Variants in LPP observed in about 807,000 individuals in gnomAD.
LPP encodes LIM domain containing preferred translocation partner in lipoma.
Under a neutral mutation model 60.4 loss-of-function variants are expected in LPP, and 38 were observed. The ratio of observed to expected loss-of-function variants is 0.63; its 90% CI spans 0.49 to 0.83. LPP has a LOEUF of 0.83. Ranked by LOEUF, LPP falls within the 40% of genes least tolerant of loss-of-function variation. The pLI is 0.00. For synonymous variants in LPP, 328 were observed against 290.8 expected (o/e 1.13, Z -1.30); for missense variants, 902 against 783.6 (o/e 1.15, Z -1.80).
chr3:188,213,736 C>T (rs901827931), intron 1 of LPP, among the ~76,000 whole-genome samples: 1 of 151,982 alleles, frequency 6.6e-6, no homozygotes, highest in Non-Finnish European at 1.5e-5. Context: ...CTCCTTTGCT[C>T]CCTATATCTT....
chr3:188,611,083 T>C (rs1843622120), intron 7 of LPP, among the ~76,000 whole-genome samples: 1 of 152,230 alleles, frequency 6.6e-6, no homozygotes, highest in South Asian at 2.1e-4. Context: ...TTTTCTTATA[T>C]GAAAGCGTCT....
chr3:188,534,296 G>A (rs942791562), intron 6 of LPP, among the ~76,000 whole-genome samples: 1 of 152,196 alleles, frequency 6.6e-6, no homozygotes, highest in Non-Finnish European at 1.5e-5. Context: ...GCTCCAAGAT[G>A]ATTATGTTAC....
chr3:188,858,483 T>C (rs1393197197), intron 9 of LPP, among the ~76,000 whole-genome samples: 1 of 152,244 alleles, frequency 6.6e-6, no homozygotes, highest in Non-Finnish European at 1.5e-5. Context: ...TGTTCTATAA[T>C]TGAGATTTTC....
At chr3:188,635,759 T>C (rs543917543) in intron 7 of LPP, among the ~76,000 whole-genome samples, 1 of 152,292 alleles carries the variant, frequency 6.6e-6, no homozygotes, top group East Asian at 1.9e-4. Flanking sequence ...TTCCTTAACT[T>C]AGCACTTCCC....
At chr3:188,502,578 G>C (rs563782207) in intron 5 of LPP, among the ~76,000 whole-genome samples, 28 of 152,242 alleles carry the variant, frequency 1.8e-4, no homozygotes, top group African/African-American at 6.0e-4. Flanking sequence ...CTTTTGACCA[G>C]AGAATTTAAT....
chr3:188,427,465 A>C (rs764562752), intron 4 of LPP, among the ~76,000 whole-genome samples: 1 of 151,594 alleles, frequency 6.6e-6, no homozygotes, highest in Non-Finnish European at 1.5e-5. Flanking sequence ...CTTCATTTCA[A>C]CCTTGGTGAA....
chr3:188,706,129 G>C (rs1865431576), intron 7 of LPP, among the ~76,000 whole-genome samples: 1 of 152,132 alleles, frequency 6.6e-6, no homozygotes, highest in African/African-American at 2.4e-5. Flanking sequence ...TCATATGACA[G>C]GTAATGTTTA....
chr3:188,674,195 A>AG (rs756915310), intron 7 of LPP, among the ~76,000 whole-genome samples: 2 of 152,160 alleles, frequency 1.3e-5, no homozygotes, highest in Non-Finnish European at 2.9e-5. Context: ...CTGGGATACT[A>AG]GGGTTGCAAC....
At chr3:188,629,284 T>C (rs1457833931) in intron 7 of LPP, among the ~76,000 whole-genome samples, 1 of 152,060 alleles carries the variant, frequency 6.6e-6, no homozygotes, top group Non-Finnish European at 1.5e-5. Flanking sequence ...TCAAACTATT[T>C]CTGTTTGCAG....
chr3:188,293,216 G>A (rs991051649), intron 2 of LPP, among the ~76,000 whole-genome samples: 7 of 152,192 alleles, frequency 4.6e-5, no homozygotes, highest in African/African-American at 1.7e-4. Context: ...TTACTAAGTG[G>A]TTGGGTTTAA....
At chr3:188,329,662 G>T (rs1398249862) in intron 2 of LPP, among the ~76,000 whole-genome samples, 2 of 151,968 alleles carry the variant, frequency 1.3e-5, no homozygotes, top group Admixed American at 1.3e-4. Flanking sequence ...TAAACCTTTT[G>T]CATATTTTCC....
chr3:188,698,353 T>G (rs1043434758), intron 7 of LPP, among the ~76,000 whole-genome samples: 3 of 152,148 alleles, frequency 2.0e-5, no homozygotes, highest in African/African-American at 7.2e-5. Context: ...TTCTCTTGCC[T>G]TTATTATGTC....
rs548082947 is a variant in LPP at position 188,501,472 on chromosome 3, G to A, written c.306+16768G>A. Among the ~76,000 whole-genome samples, 11 of 152,236 alleles carry A rather than the reference G, an allele frequency of 7.2e-5. No homozygotes were observed. In the East Asian group the frequency reaches 7.7e-4, roughly 11 times the overall value. On this transcript the variant is annotated intron_variant, in intron 5 of 11. Transcript: ENST00000617246. ...TACTAAAAATTACAAAATATTGGCC[G>A]GGCGTGGTGGCTCACGCCTGTAATC...
At chr3:188,584,855 T>C (rs1159541502) in intron 6 of LPP, among the ~76,000 whole-genome samples, 1 of 152,130 alleles carries the variant, frequency 6.6e-6, no homozygotes, top group Non-Finnish European at 1.5e-5. Context: ...GAAGATGGCC[T>C]GAGTTCTCTC....
intron 1 of LPP, among the ~76,000 whole-genome samples, chr3:188,224,599 G>T (rs1356307062): frequency 6.6e-6 from 1 of 152,182 alleles, no homozygotes; most frequent in African/African-American, 2.4e-5. Context: ...TCTGCAGTCT[G>T]TATAAGCATG....
chr3:188,203,578 A>AATATATATAAATATATATTTAAAT (rs1732192957), intron 1 of LPP, among the ~76,000 whole-genome samples: 2 of 96,204 alleles, frequency 2.1e-5, no homozygotes, highest in Non-Finnish European at 3.9e-5. Context: ...TATATATTTA[A>AATATATATAAATATATATTTAAAT]ATATATATAT....
At chr3:188,776,643 G>GTTA (rs977043959) in intron 9 of LPP, among the ~76,000 whole-genome samples, 1 of 152,200 alleles carries the variant, frequency 6.6e-6, no homozygotes, top group African/African-American at 2.4e-5. Context: ...GAAAAGCCGT[G>GTTA]TTAGTGCTGC....
intron 5 of LPP, among the ~76,000 whole-genome samples, chr3:188,512,677 A>C (rs1816151420): frequency 6.6e-6 from 1 of 152,128 alleles, no homozygotes; most frequent in Non-Finnish European, 1.5e-5. Flanking sequence ...GGGACATGGG[A>C]ATTGAATACT....
chr3:188,252,781 A>T (rs1730329223), intron 2 of LPP, among the ~76,000 whole-genome samples: 2 of 151,598 alleles, frequency 1.3e-5, no homozygotes, highest in South Asian at 4.2e-4. Flanking sequence ...ATTTTATTTT[A>T]TTTTTTTTGG....
Sources: allele counts gnomAD v4.1 joint callset (sites outside exome capture counted in the v4.1 genomes callset), GRCh38; gene constraint gnomAD v4.1.1; transcripts MANE v1.5; gene names NCBI Gene and HGNC (gene_info 2026-07-23, HGNC 2026-07-21).